GRIP1: variants seen among roughly 807,000 people sequenced by gnomAD.
GRIP1 encodes the protein glutamate receptor-interacting protein 1.
In GRIP1, 45 loss-of-function variants were observed where a neutral mutation model predicts 129.9. The observed-to-expected ratio is 0.35, with a 90% confidence interval of 0.27 to 0.44. The LOEUF is 0.44. Among genes scored for constraint, GRIP1 ranks in the 20% least tolerant of loss-of-function variants. GRIP1 has a pLI of 1.00. For synonymous variants in GRIP1, 530 were observed against 520.8 expected, an observed-to-expected ratio of 1.02 and a Z score of -0.24; for missense variants, 1,196 against 1,396.8, an observed-to-expected ratio of 0.86 and a Z score of 2.29.
intron 1 of GRIP1, among the ~76,000 whole-genome samples, chr12:66,957,436 ATT>A (rs71088227): frequency 3.4e-5 from 5 of 148,472 alleles, no homozygotes; most frequent in Non-Finnish European, 5.9e-5. Context: ...ATATATATAT[ATT>A]TCTTTTTTCT....
chr12:66,503,235 C>T (rs193173983), intron 7 of GRIP1, among the ~76,000 whole-genome samples: 31 of 152,190 alleles, frequency 2.0e-4, no homozygotes, highest in African/African-American at 6.3e-4. Context: ...GAACCGGGCA[C>T]GTGCATTAAG....
chr12:66,649,967 G>A (rs142154292), intron 1 of GRIP1, among the ~76,000 whole-genome samples: 3 of 152,240 alleles, frequency 2.0e-5, no homozygotes, highest in Non-Finnish European at 2.9e-5. Flanking sequence ...AGGGTAAACC[G>A]AGCCACAGAA....
chr12:66,875,718 T>G (rs546718038), intron 1 of GRIP1, among the ~76,000 whole-genome samples: 1 of 152,006 alleles, frequency 6.6e-6, no homozygotes, highest in Admixed American at 6.6e-5. Flanking sequence ...ATCCAACATA[T>G]TGTGGTGCTT....
intron 1 of GRIP1, among the ~76,000 whole-genome samples, chr12:67,047,251 T>C (rs998646684): frequency 6.6e-6 from 1 of 152,138 alleles, no homozygotes; most frequent in Admixed American, 6.5e-5. Flanking sequence ...AAACATATAG[T>C]AAATAATGAC....
intron 2 of GRIP1, among the ~76,000 whole-genome samples, chr12:66,585,878 T>A (rs2063612224): frequency 1.3e-5 from 2 of 152,084 alleles, no homozygotes; most frequent in African/African-American, 4.8e-5. Flanking sequence ...TTTTCATGTG[T>A]TTTTTGGCTG....
At chr12:66,629,788 T>C (rs2030539324) in intron 1 of GRIP1, among the ~76,000 whole-genome samples, 1 of 152,232 alleles carries the variant, frequency 6.6e-6, no homozygotes, top group East Asian at 1.9e-4. Context: ...GAAAGAATAC[T>C]AACCCATTCA....
At chr12:66,756,659 T>C (rs966529272) in intron 1 of GRIP1, among the ~76,000 whole-genome samples, 12 of 152,182 alleles carry the variant, frequency 7.9e-5, no homozygotes, top group African/African-American at 2.9e-4. Flanking sequence ...GGCAGTTAAC[T>C]AGCATTAAGC....
At chr12:66,477,346 G>A (rs990236003) in intron 7 of GRIP1, among the ~76,000 whole-genome samples, 7 of 151,890 alleles carry the variant, frequency 4.6e-5, no homozygotes, top group Non-Finnish European at 8.8e-5. Flanking sequence ...TCTTCAAGGA[G>A]AACTACAAAC....
At chr12:66,723,283 C>CCTTCCTTCCTTT (rs2036136784) in intron 1 of GRIP1, among the ~76,000 whole-genome samples, 3 of 29,634 alleles carry the variant, frequency 1.0e-4, no homozygotes, top group Non-Finnish European at 1.7e-4. Context: ...TTCCTTCCTT[C>CCTTCCTTCCTTT]CTTTCTTTCT....
At chr12:66,795,735 C>T (rs117077185) in intron 1 of GRIP1, among the ~76,000 whole-genome samples, 3,268 of 152,184 alleles carry the variant, frequency 0.021, 67 homozygotes, top group Middle Eastern at 0.051. Flanking sequence ...GATGGTGATG[C>T]TGTGGGCTGT....
intron 1 of GRIP1, among the ~76,000 whole-genome samples, chr12:67,016,456 C>T (rs1384567526): frequency 6.6e-6 from 1 of 152,158 alleles, no homozygotes; most frequent in Non-Finnish European, 1.5e-5. Context: ...GAGTCTCACA[C>T]TAAACCCTTG....
At chr12:66,482,252 TA>T (rs1260287880) in intron 7 of GRIP1, among the ~76,000 whole-genome samples, 1 of 152,086 alleles carries the variant, frequency 6.6e-6, no homozygotes, top group African/African-American at 2.4e-5. Context: ...ACTACAACAA[TA>T]ACTGTCAAGG....
intron 2 of GRIP1, among the ~76,000 whole-genome samples, chr12:66,565,447 T>C (rs1346736872): frequency 6.6e-6 from 1 of 152,222 alleles, no homozygotes; most frequent in Non-Finnish European, 1.5e-5. Context: ...TGTGTGGTAC[T>C]ATTTCTGAGG....
chr12:66,989,431 A>G (rs2042362237), intron 1 of GRIP1, among the ~76,000 whole-genome samples: 1 of 152,172 alleles, frequency 6.6e-6, no homozygotes, highest in Non-Finnish European at 1.5e-5. Flanking sequence ...GGAAGAGGCC[A>G]TGGCTGTACA....
intron 9 of GRIP1, among the ~76,000 whole-genome samples, chr12:66,461,256 G>A (rs2059127530): frequency 6.6e-6 from 1 of 152,202 alleles, no homozygotes; most frequent in South Asian, 2.1e-4. Context: ...TACTAAAGAT[G>A]CTAACATTTT....
chr12:66,637,926 T>G (rs2031557029), intron 1 of GRIP1, among the ~76,000 whole-genome samples: 1 of 152,216 alleles, frequency 6.6e-6, no homozygotes, highest in Non-Finnish European at 1.5e-5. Flanking sequence ...GTCAGCTACA[T>G]AAATCACAAT....
intron 1 of GRIP1, among the ~76,000 whole-genome samples, chr12:66,795,127 A>AT (rs1239630979): frequency 1.3e-5 from 2 of 152,178 alleles, no homozygotes; most frequent in Non-Finnish European, 2.9e-5. Context: ...GCAGAAGTTA[A>AT]TTTTTTGCAG....
At position 66,815,854 on chromosome 12, in the gene GRIP1, T is replaced by TTCTTTCTCTCTCTCTC. The variant is rs1555241802; in HGVS notation, c.59-218928_59-218927insGAGAGAGAGAGAAAGA. Among the ~76,000 whole-genome samples, 7 of 116,830 alleles carry TTCTTTCTCTCTCTCTC rather than the reference T, an allele frequency of 6.0e-5. No individual in the cohort carries two copies. In the East Asian group the frequency reaches 1.5e-3, roughly 26 times the overall value. The allele number at this position is 116,830 out of a possible 152,430, so 76.6% of individuals were successfully genotyped here. A position where few individuals can be genotyped will look rare whatever the true frequency, so the allele number is the denominator to read the frequency against. On this transcript the variant is annotated intron_variant, in intron 1 of 1. Transcript: ENST00000643019. ...TTTCTTTCTTTCTTTCTTTCTTTCT[T>TTCTTTCTCTCTCTCTC]TCTCTCTCTCTCTCTCTCTCTCTCT...
chr12:66,990,945 C>A (rs1254321201), intron 1 of GRIP1, among the ~76,000 whole-genome samples: 1 of 150,650 alleles, frequency 6.6e-6, no homozygotes, highest in Non-Finnish European at 1.5e-5. Flanking sequence ...CCATTACGCT[C>A]CAGCCTGGGC....
Sources: allele counts gnomAD v4.1 joint callset (sites outside exome capture counted in the v4.1 genomes callset), GRCh38; gene constraint gnomAD v4.1.1; transcripts MANE v1.5; gene names NCBI Gene and HGNC (gene_info 2026-07-23, HGNC 2026-07-21).